POGZ: variants seen among roughly 807,000 people sequenced by gnomAD.
POGZ encodes the protein pogo transposable element with ZNF domain.
A neutral mutation model predicts 134.6 loss-of-function variants in POGZ; 17 were observed. The observed-to-expected ratio is 0.13, with a 90% CI of 0.09 to 0.19. The LOEUF is 0.19. Among genes scored for constraint, POGZ ranks in the 10% least tolerant of loss-of-function variants. The pLI is 1.00. For missense variants in POGZ, 1,306 were observed against 1,769.7 expected, an observed-to-expected ratio of 0.74 and a Z score of 4.70; for synonymous variants, 693 against 657.1, an observed-to-expected ratio of 1.05 and a Z score of -0.84.
At chr1:151,443,935 G>A (rs1571548983) in intron 1 of POGZ, among the ~76,000 whole-genome samples, 1 of 152,214 alleles carries the variant, frequency 6.6e-6, no homozygotes, top group Non-Finnish European at 1.5e-5. Flanking sequence ...ACATCCATAA[G>A]CGAAAACCAA....
rs773508413 is a variant in POGZ at position 151,406,264 on chromosome 1, G to A, written c.2771C>T (p.Pro924Leu). 16 of 1,613,008 alleles carry A rather than the reference G, an allele frequency of 9.9e-6. No individual in the cohort carries two copies. Among genetic ancestry groups the A allele is most frequent in the African/African-American group, 1.3e-5 (1 of 74,890 alleles). Residue 924 changes from proline to leucine, a missense_variant, in exon 19 of 19, where the codon CCG becomes CTG. Physicochemically the swap from Pro to Leu is moderately conservative, Grantham distance 98. Around this residue, in one of 10 missense-constraint regions of POGZ, gnomAD observed 214 missense variants for 255.5 expected, o/e 0.84. Coordinates refer to ENST00000271715, the MANE Select transcript of POGZ (RefSeq NM_015100.4). Reference sequence around the variant, plus strand: ...CAGCGGTGGAAGGGCTAAAGCCTGCGGGTGAGTGGGGGTTGGTGGTGGGGT... The same window carrying A: ...CAGCGGTGGAAGGGCTAAAGCCTGCAGGTGAGTGGGGGTTGGTGGTGGGGT... ...TATPPPTPTHPQALALPPLAT... is the reference protein window; with the variant it reads ...TATPPPTPTHLQALALPPLAT...
At chr1:151,425,503 C>T (rs1453461337) in intron 7 of POGZ, among the ~76,000 whole-genome samples, 1 of 152,012 alleles carries the variant, frequency 6.6e-6, no homozygotes, top group Non-Finnish European at 1.5e-5. Flanking sequence ...ATAAAAACCT[C>T]CTCACCATTC....
rs549692067 is a variant in POGZ, at chr1:151,412,233, T to C, written c.1779+63A>G. On this transcript the variant is annotated intron_variant, in intron 11 of 18. Coordinates refer to ENST00000271715, the MANE Select transcript of POGZ (RefSeq NM_015100.4). ...GTAGGTGGTCAACAATATTCATTAGTAAATTCTTTGTATTCTTCCTGAGGG... is the reference window on the plus strand; with the variant it reads ...GTAGGTGGTCAACAATATTCATTAGCAAATTCTTTGTATTCTTCCTGAGGG... The C allele has an allele frequency of 2.6e-4, 220 of 838,122 alleles. 2 individuals carry two copies. In the African/African-American group the frequency reaches 3.3e-3, roughly 13 times the overall value. The allele number at this position is 838,122 out of a possible 1,614,324, so 51.9% of individuals were successfully genotyped here.
intron 1 of POGZ, among the ~76,000 whole-genome samples, chr1:151,458,142 T>G (rs571068493): frequency 6.6e-6 from 1 of 152,072 alleles, no homozygotes; most frequent in Non-Finnish European, 1.5e-5. Context: ...GAACTAAGAA[T>G]GTCTAAGACA....
chr1:151,438,167 C>T (rs1659935726), intron 3 of POGZ, among the ~76,000 whole-genome samples: 1 of 151,626 alleles, frequency 6.6e-6, no homozygotes, highest in African/African-American at 2.4e-5. Context: ...GCCAAGATCA[C>T]ATCACTGCAC....
chr1:151,452,019 C>T (rs1430140735), intron 1 of POGZ, among the ~76,000 whole-genome samples: 1 of 149,996 alleles, frequency 6.7e-6, no homozygotes, highest in Non-Finnish European at 1.5e-5. Flanking sequence ...ATTGCTTGAA[C>T]CCGGGAGGTG....
chr1:151,442,515 A>C (rs938286441), intron 1 of POGZ: 1 of 192,002 alleles, frequency 5.2e-6, no homozygotes, highest in African/African-American at 2.3e-5. Flanking sequence ...TTAGAGAACC[A>C]GACTGGCCAA....
At chr1:151,453,419 C>T (rs1662382171) in intron 1 of POGZ, among the ~76,000 whole-genome samples, 1 of 151,836 alleles carries the variant, frequency 6.6e-6, no homozygotes, top group African/African-American at 2.4e-5. Context: ...TTTCATGTAG[C>T]TTGTATATAT....
chr1:151,443,762 T>C (rs923872321), intron 1 of POGZ, among the ~76,000 whole-genome samples: 5 of 152,194 alleles, frequency 3.3e-5, no homozygotes, highest in Admixed American at 3.3e-4. Flanking sequence ...TCTGTATCTC[T>C]GCATTGCAAA....
rs114367083 is a variant in POGZ at position 151,425,050 on chromosome 1, T to C, written c.1090A>G (p.Ile364Val). The C allele has an allele frequency of 2.7e-5, 42 of 1,547,318 alleles. No homozygotes were observed. In the African/African-American group the frequency reaches 4.7e-4, roughly 17 times the overall value. The change falls in exon 8 of 19, where the codon ATC becomes GTC. Residue 364 changes from isoleucine (I) to valine (V), a missense_variant. Physicochemically the swap from Ile to Val is conservative, Grantham distance 29 (BLOSUM62 3). Coordinates refer to ENST00000271715, the MANE Select transcript of POGZ (RefSeq NM_015100.4). ...PESSMKVTSS[I>V]PVFDLQDGGR... ...CCATCCTGGAGGTCAAATACTGGGA[T>C]GGAAGAGGTCACTGAAAGAAGTGAG...
chr1:151,411,462 T>C (rs1225039164), intron 12 of POGZ, among the ~76,000 whole-genome samples, 163 bp downstream of exon 12: 2 of 152,176 alleles, frequency 1.3e-5, no homozygotes, highest in Non-Finnish European at 2.9e-5. Context: ...CTCTAGCATC[T>C]AGACTAGTAC....
Position 151,405,436 on chromosome 1 carries a change from C to T in POGZ, c.3599G>A (p.Ser1200Asn), listed in dbSNP as rs754348772. The stretch of plus-strand genomic sequence containing the variant: ...CCACAGCTCCATGATCTCGTCATCA[C>T]TGTAGCCACTCTCCTTTGCCTCTAG... ...ILLEAKESGY[S>N]DDEIMELWST... The change falls in exon 19 of 19, where the codon AGT becomes AAT. Residue 1200 changes from serine (S) to asparagine (N), a missense_variant. By Grantham distance (46) the Ser-to-Asn change is conservative (BLOSUM62 1). Around this residue, in one of 10 missense-constraint regions of POGZ, gnomAD observed 161 missense variants for 185.4 expected, o/e 0.87. Coordinates refer to ENST00000271715, the MANE Select transcript of POGZ (RefSeq NM_015100.4). The surrounding 1 kb of genome is among the most constrained non-coding windows in gnomAD (Gnocchi z 4.9). The T allele has an allele frequency of 2.5e-6, 4 of 1,614,214 alleles. No homozygotes were observed. The highest frequency in any genetic ancestry group is 3.3e-5 in the Admixed American group (2 of 60,026).
chr1:151,452,093 G>A lies in POGZ; in HGVS notation c.-2+7059C>T, dbSNP rs796269639. Among the ~76,000 whole-genome samples the A allele has an allele frequency of 5.9e-5, 6 of 101,364 alleles. No homozygotes were observed. In the East Asian group the frequency reaches 1.2e-3, roughly 20 times the overall value. The allele number at this position is 101,364 out of a possible 152,430, so 66.5% of individuals were successfully genotyped here. A position where few individuals can be genotyped will look rare whatever the true frequency, so the allele number is the denominator to read the frequency against. On this transcript the variant is annotated intron_variant, in intron 1 of 18. Coordinates refer to ENST00000271715, the MANE Select transcript of POGZ (RefSeq NM_015100.4). Reference sequence around the variant, plus strand: ...GCCTGGGCAACAAGAGCAAGACTCCGTCTCAAAAAAAAAAAAAAAAAAAAA... The same window carrying A: ...GCCTGGGCAACAAGAGCAAGACTCCATCTCAAAAAAAAAAAAAAAAAAAAA...
In POGZ at chr1:151,404,560, T is replaced by G; in HGVS notation, c.*242A>C. On this transcript the variant is annotated 3_prime_UTR_variant, in exon 19 of 19. Coordinates refer to ENST00000271715, the MANE Select transcript of POGZ (RefSeq NM_015100.4). ...AAAAAAAAAAAGTCACAAAAACCTGTTTTTAGCAGAAGTGAATGACCAATG... is the reference window on the plus strand; with the variant it reads ...AAAAAAAAAAAGTCACAAAAACCTGGTTTTAGCAGAAGTGAATGACCAATG... The G allele has an allele frequency of 8.4e-7, 1 of 1,194,316 alleles. No homozygotes were observed. Among genetic ancestry groups the G allele is most frequent in the Non-Finnish European group, 1.0e-6 (1 of 964,052 alleles). 74.0% of individuals were successfully genotyped at this position (1,194,316 alleles called of 1,614,324 possible).
At chr1:151,422,678 G>A (rs1193634847) in intron 10 of POGZ, among the ~76,000 whole-genome samples, 3 of 151,750 alleles carry the variant, frequency 2.0e-5, no homozygotes, top group Non-Finnish European at 4.4e-5. Flanking sequence ...TGCAACCTCC[G>A]CCTCCCGGGT....
chr1:151,414,086 T>G (rs1042657254), intron 10 of POGZ, among the ~76,000 whole-genome samples: 2 of 152,268 alleles, frequency 1.3e-5, no homozygotes, highest in South Asian at 4.1e-4. Flanking sequence ...AAATAAGAAA[T>G]TCTGCATAAA....
chr1:151,410,810 A>G (rs1654531863), intron 12 of POGZ, among the ~76,000 whole-genome samples: 1 of 152,140 alleles, frequency 6.6e-6, no homozygotes, highest in Non-Finnish European at 1.5e-5. Flanking sequence ...TTCAGCAAAT[A>G]GTTCCCTCAT....
chr1:151,438,071 C>T (rs1659919853), intron 3 of POGZ, among the ~76,000 whole-genome samples: 1 of 151,902 alleles, frequency 6.6e-6, no homozygotes, highest in South Asian at 2.1e-4. Flanking sequence ...CACAGCCAGG[C>T]ATGGTGGTGC....
chr1:151,451,615 C>T (rs1662096080), intron 1 of POGZ, among the ~76,000 whole-genome samples: 3 of 151,622 alleles, frequency 2.0e-5, no homozygotes, highest in African/African-American at 7.3e-5. Context: ...TGTGAGGCAC[C>T]GCGCCTGGCC....
Sources: gnomAD v4.1 joint callset for allele counts (sites outside exome capture counted in the v4.1 genomes callset) on GRCh38, gnomAD v4.1.1 for gene constraint, gnomAD v4.1.1 regional missense constraint, Gnocchi (gnomAD v3.1) non-coding constraint, MANE v1.5 for transcripts, NCBI Gene and HGNC (gene_info 2026-07-23, HGNC 2026-07-21) for gene names.